The following MGMT variants were observed in gnomAD, a reference collection of about 807,000 sequenced individuals.
MGMT encodes methylated-DNA--protein-cysteine methyltransferase.
MGMT carries 14 observed loss-of-function variants against 15.9 expected under a neutral mutation model. The observed-to-expected ratio is 0.88, with a 90% CI of 0.58 to 1.37. The LOEUF is 1.37. Among genes scored for constraint, MGMT ranks in the 40% most tolerant of loss-of-function variants. The pLI, the probability that MGMT is intolerant of heterozygous loss-of-function variation, is 0.00. For synonymous variants in MGMT, 130 were observed against 118.2 expected (o/e 1.10, Z -0.65); for missense variants, 282 against 268.1 (o/e 1.05, Z -0.36).
chr10:129,696,671 A>G (rs1010002970), intron 2 of MGMT, among the ~76,000 whole-genome samples: 3 of 152,220 alleles, frequency 2.0e-5, no homozygotes, highest in Non-Finnish European at 2.9e-5. Context: ...TTGTCTACCC[A>G]TTCGCTCAGT....
intron 2 of MGMT, among the ~76,000 whole-genome samples, chr10:129,668,499 A>G (rs186701204): frequency 1.3e-5 from 2 of 152,224 alleles, no homozygotes; most frequent in South Asian, 2.1e-4. Context: ...ATATTTATTC[A>G]TGTTGAGAAG....
At chr10:129,753,393 G>A (rs763846907) in intron 3 of MGMT, among the ~76,000 whole-genome samples, 6 of 152,154 alleles carry the variant, frequency 3.9e-5, no homozygotes, top group East Asian at 3.9e-4. Flanking sequence ...TTTAGCTATC[G>A]TTTATTTGAA....
At chr10:129,569,195 C>T (rs1422286245) in intron 2 of MGMT, among the ~76,000 whole-genome samples, 5 of 152,152 alleles carry the variant, frequency 3.3e-5, no homozygotes, top group African/African-American at 9.7e-5. Context: ...TCATGCCTGC[C>T]TCGCAGGTTC....
intron 2 of MGMT, among the ~76,000 whole-genome samples, chr10:129,687,848 G>GCTT (rs1554877637): frequency 6.8e-6 from 1 of 148,066 alleles, no homozygotes. Context: ...CCCTCCCCCA[G>GCTT]CCCCCCACCC....
chr10:129,472,427 G>C (rs561962604), intron 1 of MGMT, among the ~76,000 whole-genome samples: 1 of 151,962 alleles, frequency 6.6e-6, no homozygotes, highest in Non-Finnish European at 1.5e-5. Context: ...TGAGTCTCAC[G>C]GAAGGATGAA....
chr10:129,667,768 T>A (rs986436155), intron 2 of MGMT, among the ~76,000 whole-genome samples: 2 of 152,236 alleles, frequency 1.3e-5, no homozygotes, highest in Non-Finnish European at 2.9e-5. Flanking sequence ...GCCCGTTTGG[T>A]ATTAGGAGCT....
chr10:129,756,555 T>C (rs1217028897), intron 3 of MGMT, among the ~76,000 whole-genome samples: 3 of 152,160 alleles, frequency 2.0e-5, no homozygotes, highest in Admixed American at 6.5e-5. Flanking sequence ...CTGCAACCTC[T>C]GCCTCCCGGG....
At chr10:129,504,639 T>C (rs1204679453) in intron 1 of MGMT, among the ~76,000 whole-genome samples, 1 of 152,168 alleles carries the variant, frequency 6.6e-6, no homozygotes, top group Non-Finnish European at 1.5e-5. Flanking sequence ...TAACCCCCTC[T>C]TGAGAAGGAC....
At chr10:129,679,132 AC>A (rs1847819172) in intron 2 of MGMT, among the ~76,000 whole-genome samples, 1 of 152,102 alleles carries the variant, frequency 6.6e-6, no homozygotes, top group Non-Finnish European at 1.5e-5. Flanking sequence ...TCATAGGATT[AC>A]AAGATTTTAT....
At chr10:129,723,631 A>G (rs1217521525) in intron 3 of MGMT, among the ~76,000 whole-genome samples, 1 of 152,242 alleles carries the variant, frequency 6.6e-6, no homozygotes, top group Non-Finnish European at 1.5e-5. Flanking sequence ...TACAAAACAC[A>G]TATCTGACAA....
intron 2 of MGMT, among the ~76,000 whole-genome samples, chr10:129,688,189 C>T (rs1286738190): frequency 6.6e-6 from 1 of 152,168 alleles, no homozygotes; most frequent in Admixed American, 6.5e-5. Flanking sequence ...GATTTATAAT[C>T]CTTGGGGTAT....
chr10:129,588,726 G>A (rs765192609), intron 2 of MGMT, among the ~76,000 whole-genome samples: 2 of 152,228 alleles, frequency 1.3e-5, no homozygotes, highest in Non-Finnish European at 2.9e-5. Flanking sequence ...TGAAGTGTGT[G>A]TGCCAGCACA....
intron 2 of MGMT, among the ~76,000 whole-genome samples, chr10:129,665,877 T>G (rs1277065688): frequency 6.6e-6 from 1 of 152,174 alleles, no homozygotes; most frequent in Non-Finnish European, 1.5e-5. Context: ...AAGTGTATTG[T>G]GGGAGAGACT....
In MGMT at chr10:129,733,819, A is replaced by C. The variant is rs1394889378; in HGVS notation, c.275-25383A>C. 1.2e-3 allele frequency among the ~76,000 whole-genome samples: 177 copies of C among 152,244 alleles called. 2 individuals are homozygous for C. Among genetic ancestry groups the C allele is most frequent in the African/African-American group, 3.2e-3 (134 of 41,528 alleles). ...CAGCACCATTTATTAAATAGGGAAT[A>C]CTTTCCCCATTGCTTGTTTTTGTCA... On this transcript the variant is annotated intron_variant, in intron 3 of 4. Coordinates refer to ENST00000651593, the MANE Select transcript of MGMT (RefSeq NM_002412.5).
chr10:129,493,235 C>T lies in MGMT; in HGVS notation c.-13+25939C>T, dbSNP rs527268086. On this transcript the variant is annotated intron_variant, in intron 1 of 4. Transcript: ENST00000651593. ...GGAACCAGGGGGTCTCAAGGCAGCA[C>T]CACTCAGATCTAGGACTTTCTAAGG... Among the ~76,000 whole-genome samples, 161 of 152,262 alleles carry T rather than the reference C, an allele frequency of 1.1e-3. 1 individual carries two copies. Among genetic ancestry groups the T allele is most frequent in the African/African-American group, 3.8e-3 (156 of 41,554 alleles).
rs377328168 is a variant in MGMT, at chr10:129,733,314, G to T, written c.274+25271G>T. On this transcript the variant is annotated intron_variant, in intron 3 of 4. Transcript: ENST00000651593. ...TGCATTTCTCTGATGGCCAGTGATG[G>T]TGAGCATTTTTTCATGTGTTTTTTG... is the stretch of plus-strand genomic sequence containing the variant. 5.3e-5 allele frequency among the ~76,000 whole-genome samples: 8 copies of T among 151,982 alleles called. No homozygotes were observed. In the East Asian group the frequency reaches 1.4e-3, roughly 26 times the overall value.
chr10:129,633,263 C>T (rs939199044), intron 2 of MGMT, among the ~76,000 whole-genome samples: 13 of 152,196 alleles, frequency 8.5e-5, no homozygotes, highest in African/African-American at 2.7e-4. Flanking sequence ...CCAACCTAGA[C>T]GTCCAACACT....
At chr10:129,559,130 T>G (rs1028625224) in intron 2 of MGMT, among the ~76,000 whole-genome samples, 2 of 152,196 alleles carry the variant, frequency 1.3e-5, no homozygotes, top group African/African-American at 2.4e-5. Flanking sequence ...TTATCTTGCT[T>G]GTTTACCTAA....
chr10:129,626,468 G>T (rs769726623), intron 2 of MGMT, among the ~76,000 whole-genome samples: 22 of 152,214 alleles, frequency 1.4e-4, no homozygotes, highest in Non-Finnish European at 2.9e-4. Flanking sequence ...TCTCCCTGGA[G>T]GGAGGCCTGA....
Sources: allele counts gnomAD v4.1 joint callset (sites outside exome capture counted in the v4.1 genomes callset), GRCh38; gene constraint gnomAD v4.1.1; transcripts MANE v1.5; gene names NCBI Gene and HGNC (gene_info 2026-07-23, HGNC 2026-07-21).